Variants in LRFN2 observed in about 807,000 individuals in gnomAD.
The protein encoded by LRFN2 is leucine rich repeat and fibronectin type III domain containing 2, also known as leucine-rich repeat and fibronectin type-III domain-containing protein 2.
A neutral mutation model predicts 37.3 loss-of-function variants in LRFN2; 18 were observed. The ratio of observed to expected loss-of-function variants is 0.48; its 90% CI spans 0.33 to 0.72. LRFN2 has a LOEUF of 0.72. Ranked by LOEUF, LRFN2 falls within the 30% of genes least tolerant of loss-of-function variation. The pLI, the probability that LRFN2 is intolerant of heterozygous loss-of-function variation, is 0.02. For synonymous variants in LRFN2, 556 were observed against 466.6 expected (o/e 1.19, Z -2.47); for missense variants, 1,006 against 1,060.7 (o/e 0.95, Z 0.72).
At chr6:40,562,027 C>A (rs1255046290) in intron 1 of LRFN2, among the ~76,000 whole-genome samples, 1 of 152,196 alleles carries the variant, frequency 6.6e-6, no homozygotes, top group Non-Finnish European at 1.5e-5. Context: ...GAATGAATGA[C>A]TGAATGAATG....
intron 1 of LRFN2, among the ~76,000 whole-genome samples, chr6:40,540,416 T>C (rs1213212995): frequency 1.3e-5 from 2 of 152,094 alleles, no homozygotes; most frequent in Non-Finnish European, 2.9e-5. Context: ...GTGTCTTCCT[T>C]TGAGGCCCCA....
chr6:40,555,478 T>G (rs553680494), intron 1 of LRFN2, among the ~76,000 whole-genome samples: 2 of 152,322 alleles, frequency 1.3e-5, no homozygotes, highest in East Asian at 3.9e-4. Flanking sequence ...ACGGATGGGC[T>G]GTCTGAGCCC....
intron 1 of LRFN2, among the ~76,000 whole-genome samples, chr6:40,571,060 G>A (rs142471243): frequency 1.2e-3 from 177 of 152,346 alleles, no homozygotes; most frequent in Middle Eastern, 3.4e-3. Context: ...CGGAAGCAGA[G>A]CTGGAGAGGA....
chr6:40,415,629 G>C (rs911929227), intron 2 of LRFN2, among the ~76,000 whole-genome samples: 1 of 152,200 alleles, frequency 6.6e-6, no homozygotes. Flanking sequence ...TATTTGCACA[G>C]CATTTATCAC....
chr6:40,425,837 C>T (rs150411181), intron 2 of LRFN2, among the ~76,000 whole-genome samples: 11 of 152,338 alleles, frequency 7.2e-5, no homozygotes, highest in Middle Eastern at 6.8e-3. Flanking sequence ...CTGAAAAAAG[C>T]GCAAAGCACT....
At chr6:40,579,532 T>TCAC (rs1554146185) in intron 1 of LRFN2, among the ~76,000 whole-genome samples, 1 of 6,190 alleles carries the variant, frequency 1.6e-4, no homozygotes, top group Middle Eastern at 0.5. Flanking sequence ...ATCATCATCA[T>TCAC]CACCACCATC....
chr6:40,524,369 T>G (rs440054), intron 1 of LRFN2, among the ~76,000 whole-genome samples: 98,555 of 145,478 alleles, frequency 0.68, 34,869 homozygotes, highest in African/African-American at 0.88. Context: ...CCCCCTACCC[T>G]GACTTACTGC....
At position 40,467,629 on chromosome 6, in the gene LRFN2, G is replaced by A. The variant is rs181664615; in HGVS notation, c.-18-34498C>T. Among the ~76,000 whole-genome samples, 7 of 152,288 alleles carry A rather than the reference G, an allele frequency of 4.6e-5. No individual in the cohort carries two copies. The East Asian group carries it at 1.2e-3, about 25-fold the overall frequency. On this transcript the variant is annotated intron_variant, in intron 1 of 2. Coordinates refer to ENST00000338305, the MANE Select transcript of LRFN2 (RefSeq NM_020737.3). ...AAAACAAGGAAGTTCCAGAGAGCCTGGGCATTGATCAAGGACATCTCCATG... is the reference window on the plus strand; with the variant it reads ...AAAACAAGGAAGTTCCAGAGAGCCTAGGCATTGATCAAGGACATCTCCATG...
chr6:40,579,926 G>C (rs767900694), intron 1 of LRFN2, among the ~76,000 whole-genome samples: 3 of 152,190 alleles, frequency 2.0e-5, no homozygotes, highest in Non-Finnish European at 4.4e-5. Context: ...GATGGGTGAA[G>C]ATGGATGGGA....
chr6:40,432,409 CAAGGGTGGGGCA>C lies in LRFN2; in HGVS notation c.693_704del (p.Phe231_Pro234del). On this transcript the variant is annotated inframe_deletion, in exon 2 of 3. Transcript: ENST00000338305. ...GTGGGTTACCCCCAAAACTAAAGGACAAGGGTGGGGCAAAGGGTGTGGCTGTCAAAGCCGAAG... is the reference window on the plus strand; with the variant it reads ...GTGGGTTACCCCCAAAACTAAAGGACAAGGGTGTGGCTGTCAAAGCCGAAG... 6.2e-7 allele frequency: 1 copy of C among 1,614,112 alleles called. No homozygotes were observed. The highest frequency in any genetic ancestry group is 1.1e-5 in the South Asian group (1 of 91,084).
At chr6:40,482,966 T>C (rs1475268550) in intron 1 of LRFN2, among the ~76,000 whole-genome samples, 2 of 152,258 alleles carry the variant, frequency 1.3e-5, no homozygotes, top group African/African-American at 4.8e-5. Flanking sequence ...CTGCAGCCAC[T>C]GTCCCTCTGT....
intron 1 of LRFN2, among the ~76,000 whole-genome samples, chr6:40,517,897 C>A (rs1765930300): frequency 6.6e-6 from 1 of 152,134 alleles, no homozygotes; most frequent in South Asian, 2.1e-4. Context: ...AATCAAAGTT[C>A]ACATGAGCTA....
intron 1 of LRFN2, among the ~76,000 whole-genome samples, chr6:40,577,820 A>T (rs1457978398): frequency 7.1e-6 from 1 of 141,728 alleles, no homozygotes; most frequent in African/African-American, 2.6e-5. Context: ...AAAATTAAAA[A>T]AAATAAAAAT....
intron 2 of LRFN2, among the ~76,000 whole-genome samples, chr6:40,400,859 A>C (rs1561839396): frequency 6.6e-6 from 1 of 151,728 alleles, no homozygotes; most frequent in African/African-American, 2.4e-5. Flanking sequence ...TCTAAGAAGT[A>C]TCATTTGTCA....
chr6:40,486,391 C>T (rs1006004264), intron 1 of LRFN2, among the ~76,000 whole-genome samples: 1 of 152,168 alleles, frequency 6.6e-6, no homozygotes, highest in Non-Finnish European at 1.5e-5. Flanking sequence ...CTGGATGCAT[C>T]TGTAACAAAA....
At chr6:40,406,040 G>T (rs542186735) in intron 2 of LRFN2, among the ~76,000 whole-genome samples, 1 of 152,096 alleles carries the variant, frequency 6.6e-6, no homozygotes, top group Non-Finnish European at 1.5e-5. Flanking sequence ...CTCCTCCATG[G>T]GGCTCCTTCA....
intron 2 of LRFN2, among the ~76,000 whole-genome samples, chr6:40,426,163 G>C (rs1763348516): frequency 6.6e-6 from 1 of 152,180 alleles, no homozygotes; most frequent in Non-Finnish European, 1.5e-5. Flanking sequence ...GGTGAATTTA[G>C]CAACAGTGGA....
At position 40,518,656 on chromosome 6, in the gene LRFN2, C is replaced by A. The variant is rs1365962576; in HGVS notation, c.-19+68285G>T. 4.6e-5 allele frequency among the ~76,000 whole-genome samples: 7 copies of A among 152,300 alleles called. No individual in the cohort carries two copies. In the East Asian group the frequency reaches 1.2e-3, roughly 25 times the overall value. ...TTACATTGATGGCTCCCACACAACC[C>A]CTCCTTGAGCCAGTACAGATCATTC... On this transcript the variant is annotated intron_variant, in intron 1 of 2. Coordinates refer to ENST00000338305, the MANE Select transcript of LRFN2 (RefSeq NM_020737.3).
chr6:40,567,544 A>G lies in LRFN2; in HGVS notation c.-19+19397T>C, dbSNP rs766592949. On this transcript the variant is annotated intron_variant, in intron 1 of 2. Coordinates refer to ENST00000338305, the MANE Select transcript of LRFN2 (RefSeq NM_020737.3). ...TCCTTGACTTCCTCTCTGTGTCCCC[A>G]TCTTCCTCCTCTCCACTTCTGAATC... 7.6e-4 allele frequency among the ~76,000 whole-genome samples: 116 copies of G among 152,200 alleles called. 1 individual carries two copies. The highest frequency in any genetic ancestry group is 1.5e-3 in the Non-Finnish European group (102 of 68,032).
Sources: gnomAD v4.1 joint callset for allele counts (sites outside exome capture counted in the v4.1 genomes callset) on GRCh38, gnomAD v4.1.1 for gene constraint, MANE v1.5 for transcripts, NCBI Gene and HGNC (gene_info 2026-07-23, HGNC 2026-07-21) for gene names.